NPAS3: variants seen among roughly 807,000 people sequenced by gnomAD.
NPAS3 encodes neuronal PAS domain-containing protein 3.
NPAS3 carries 14 observed loss-of-function variants against 73.1 expected under a neutral mutation model. The ratio of observed to expected loss-of-function variants is 0.19; its 90% confidence interval spans 0.13 to 0.30. NPAS3 has a LOEUF of 0.30. NPAS3 is among the 10% of genes least tolerant of loss of function. The pLI is 1.00. For missense variants in NPAS3, 1,096 were observed against 1,250.0 expected, an observed-to-expected ratio of 0.88 and a Z score of 1.86; for synonymous variants, 620 against 541.5, an observed-to-expected ratio of 1.14 and a Z score of -2.01.
At chr14:33,333,251 A>G (rs929062721) in intron 3 of NPAS3, among the ~76,000 whole-genome samples, 1 of 152,206 alleles carries the variant, frequency 6.6e-6, no homozygotes, top group African/African-American at 2.4e-5. Context: ...GAGTGCCTTG[A>G]AATAATTTTA....
intron 4 of NPAS3, among the ~76,000 whole-genome samples, chr14:33,467,154 GCT>G (rs1450018995): frequency 2.6e-5 from 4 of 152,186 alleles, no homozygotes; most frequent in African/African-American, 4.8e-5. Flanking sequence ...CTGGGGATGT[GCT>G]CAAGCCCGCC....
chr14:33,574,580 G>A (rs1450861148), intron 5 of NPAS3, among the ~76,000 whole-genome samples: 1 of 152,004 alleles, frequency 6.6e-6, no homozygotes, highest in Non-Finnish European at 1.5e-5. Context: ...AAGGAGGTGA[G>A]GTGGATGGAG....
intron 11 of NPAS3, 68 bp from the exon 12 acceptor site, chr14:33,799,666 C>T (rs971781662): frequency 5.2e-6 from 8 of 1,527,436 alleles, no homozygotes; most frequent in Non-Finnish European, 7.0e-6. Flanking sequence ...TGGGTCGCCC[C>T]GCTAACCTGG....
At chr14:33,423,230 T>C (rs2048425743) in intron 4 of NPAS3, among the ~76,000 whole-genome samples, 1 of 152,002 alleles carries the variant, frequency 6.6e-6, no homozygotes, top group African/African-American at 2.4e-5. Flanking sequence ...AGGACATAAA[T>C]AGTATTGATG....
chr14:33,405,335 G>A (rs910098313), intron 4 of NPAS3, among the ~76,000 whole-genome samples: 1 of 152,046 alleles, frequency 6.6e-6, no homozygotes, highest in East Asian at 1.9e-4. Flanking sequence ...AATCTTCCAT[G>A]GTGCAAAGCA....
intron 2 of NPAS3, among the ~76,000 whole-genome samples, chr14:33,131,275 G>T (rs1443237608): frequency 6.6e-6 from 1 of 151,956 alleles, no homozygotes; most frequent in Non-Finnish European, 1.5e-5. Context: ...TTGTCTTCTG[G>T]ACAAAATAAT....
At chr14:32,974,286 GAA>G (rs1431789294) in intron 1 of NPAS3, among the ~76,000 whole-genome samples, 1 of 152,196 alleles carries the variant, frequency 6.6e-6, no homozygotes, top group Non-Finnish European at 1.5e-5. Context: ...GAATGAAACA[GAA>G]ACTCCATCCT....
At chr14:33,396,926 C>A (rs1184180006) in intron 4 of NPAS3, among the ~76,000 whole-genome samples, 5 of 152,076 alleles carry the variant, frequency 3.3e-5, no homozygotes, top group Non-Finnish European at 7.4e-5. Context: ...ATTCTATGAT[C>A]ACTTATTCCA....
chr14:33,661,998 G>A (rs1203128894), intron 5 of NPAS3, among the ~76,000 whole-genome samples: 2 of 152,202 alleles, frequency 1.3e-5, no homozygotes, highest in Non-Finnish European at 2.9e-5. Flanking sequence ...TGTAAAGCTT[G>A]TCAAAATGAA....
intron 6 of NPAS3, among the ~76,000 whole-genome samples, chr14:33,684,917 G>A (rs1177733983): frequency 6.6e-6 from 1 of 152,218 alleles, no homozygotes; most frequent in East Asian, 1.9e-4. Context: ...CCACTGGAGG[G>A]ATCTGCTCAT....
At chr14:33,545,557 C>T (rs1195394399) in intron 4 of NPAS3, among the ~76,000 whole-genome samples, 2 of 152,148 alleles carry the variant, frequency 1.3e-5, no homozygotes, top group South Asian at 2.1e-4. Flanking sequence ...GTTCAAAGCT[C>T]GTGTGTCCTT....
intron 1 of NPAS3, among the ~76,000 whole-genome samples, chr14:32,971,815 C>T (rs929668029): frequency 1.3e-5 from 2 of 152,074 alleles, no homozygotes; most frequent in Non-Finnish European, 2.9e-5. Flanking sequence ...CTCAAATTAG[C>T]ATGTTCCTTC....
At chr14:33,648,513 T>C (rs1384129752) in intron 5 of NPAS3, among the ~76,000 whole-genome samples, 3 of 152,184 alleles carry the variant, frequency 2.0e-5, no homozygotes, top group Non-Finnish European at 4.4e-5. Flanking sequence ...AGAAAAAGTG[T>C]CTAAAAATAA....
chr14:33,361,730 G>A (rs1403061504), intron 3 of NPAS3, among the ~76,000 whole-genome samples: 1 of 152,154 alleles, frequency 6.6e-6, no homozygotes, highest in Non-Finnish European at 1.5e-5. Context: ...TAACATGTTA[G>A]TAGGTCTGAG....
intron 3 of NPAS3, among the ~76,000 whole-genome samples, chr14:33,316,039 A>G (rs1236541727): frequency 2.0e-5 from 3 of 152,096 alleles, no homozygotes; most frequent in East Asian, 3.9e-4. Context: ...TTGCAGTTTT[A>G]TAGAGCATGT....
At chr14:33,723,301 C>T (rs1265233291) in intron 6 of NPAS3, among the ~76,000 whole-genome samples, 1 of 152,120 alleles carries the variant, frequency 6.6e-6, no homozygotes, top group Non-Finnish European at 1.5e-5. Context: ...TCCTCTGTGT[C>T]ACATTAAATC....
intron 6 of NPAS3, among the ~76,000 whole-genome samples, chr14:33,697,239 G>T (rs539580431): frequency 6.6e-6 from 1 of 152,280 alleles, no homozygotes; most frequent in East Asian, 1.9e-4. Context: ...AAATAAGCCT[G>T]CTACCTATGT....
chr14:33,060,864 G>A (rs2041072561), intron 2 of NPAS3, among the ~76,000 whole-genome samples: 1 of 152,184 alleles, frequency 6.6e-6, no homozygotes, highest in African/African-American at 2.4e-5. Flanking sequence ...ACAGGGCTTG[G>A]ATAAATTCAT....
chr14:33,793,769 G>C, intron 9 of NPAS3, 128 bp from the exon 10 acceptor site: 1 of 751,496 alleles, frequency 1.3e-6, no homozygotes, highest in Admixed American at 2.9e-5. Context: ...TAAGCATACA[G>C]AGGGTCACCC....
Sources: allele counts gnomAD v4.1 joint callset (sites outside exome capture counted in the v4.1 genomes callset), GRCh38; gene constraint gnomAD v4.1.1; transcripts MANE v1.5; gene names NCBI Gene and HGNC (gene_info 2026-07-23, HGNC 2026-07-21).